The following ZFHX3 variants were observed in gnomAD, a reference collection of about 807,000 sequenced individuals.
ZFHX3 encodes zinc finger homeobox 3, also known as zinc finger homeobox protein 3.
In ZFHX3, 42 loss-of-function variants were observed where a neutral mutation model predicts 279.1. That is an observed-to-expected ratio of 0.15 (90% CI 0.12 to 0.19). ZFHX3 has a LOEUF of 0.19. ZFHX3 is among the 10% of genes least tolerant of loss of function. ZFHX3 has a pLI of 1.00. For synonymous variants in ZFHX3, 2,293 were observed against 1,957.8 expected, an observed-to-expected ratio of 1.17 and a Z score of -4.52; for missense variants, 4,981 against 4,754.0, an observed-to-expected ratio of 1.05 and a Z score of -1.40.
At chr16:72,945,670 C>CA (rs1013603971) in intron 3 of ZFHX3, among the ~76,000 whole-genome samples, 10 of 151,712 alleles carry the variant, frequency 6.6e-5, no homozygotes, top group African/African-American at 2.4e-4. Flanking sequence ...TTAAAACAAA[C>CA]AAAAAAAATA....
At chr16:73,304,811 C>G (rs2015142702) in intron 4 of ZFHX3, among the ~76,000 whole-genome samples, 1 of 152,184 alleles carries the variant, frequency 6.6e-6, no homozygotes, top group South Asian at 2.1e-4. Context: ...ATAAATCTGC[C>G]TCACCTGATG....
chr16:72,958,526 G>T lies in ZFHX3; in HGVS notation c.1620C>A (p.Leu540=). The T allele has an allele frequency of 6.2e-7, 1 of 1,614,074 alleles. No homozygotes were observed. The highest frequency in any genetic ancestry group is 8.5e-7 in the Non-Finnish European group (1 of 1,180,046). The change falls in exon 2 of 10, where the codon CTC becomes CTA. Residue 540 remains leucine (L), a synonymous_variant. Transcript: ENST00000268489. ...AAGCTGTGCCCCTCGACAGGGTCTG[G>T]AGCACGTTAGGCATTAAGGGGGAGT... is the stretch of plus-strand genomic sequence containing the variant. The part of the protein sequence containing the change: ...ISNSPLMPNV[L]QTLSRGTAST...
chr16:73,376,567 T>C (rs2016726651), intron 3 of ZFHX3, among the ~76,000 whole-genome samples: 1 of 152,222 alleles, frequency 6.6e-6, no homozygotes, highest in Admixed American at 6.5e-5. Flanking sequence ...ATGTTTGTTG[T>C]GTGAGCAGCC....
chr16:73,604,311 T>C (rs2052155422), intron 2 of ZFHX3, among the ~76,000 whole-genome samples: 1 of 152,108 alleles, frequency 6.6e-6, no homozygotes, highest in Non-Finnish European at 1.5e-5. Context: ...AATCAGTAAT[T>C]ACCAAATAAA....
chr16:73,609,825 G>T (rs1055483667), intron 2 of ZFHX3: 3 of 152,174 alleles, frequency 2.0e-5, no homozygotes, highest in African/African-American at 7.2e-5. Flanking sequence ...CTAGCACATG[G>T]CATAGAAAGA....
intron 8 of ZFHX3, among the ~76,000 whole-genome samples, chr16:73,075,900 G>A (rs1427752464): frequency 1.3e-5 from 2 of 152,108 alleles, no homozygotes; most frequent in African/African-American, 4.8e-5. Flanking sequence ...AAAGTGCTGG[G>A]ATTATAGGTG....
At chr16:73,817,902 C>A (rs184088636) in intron 1 of ZFHX3, among the ~76,000 whole-genome samples, 2 of 152,196 alleles carry the variant, frequency 1.3e-5, no homozygotes, top group East Asian at 1.9e-4. Context: ...CCGAACCCCC[C>A]TCAAAGTGCC....
At position 73,529,465 on chromosome 16, in the gene ZFHX3, C is replaced by A. The variant is rs373264373; in HGVS notation, c.-1546-73207G>T. 8.5e-5 allele frequency among the ~76,000 whole-genome samples: 13 copies of A among 152,190 alleles called. No individual in the cohort carries two copies. The East Asian group carries it at 2.3e-3, about 27-fold the overall frequency. On this transcript the variant is annotated intron_variant, in intron 2 of 17. Coordinates refer to the ZFHX3 transcript ENST00000641206. ...GAGAGAAACTTAGCATGGCACCCAC[C>A]CAGGCAGGGAGGTTACTGGCAGGTC... is the stretch of plus-strand genomic sequence containing the variant.
At chr16:73,407,937 C>T (rs551671880) in intron 3 of ZFHX3, among the ~76,000 whole-genome samples, 32 of 152,084 alleles carry the variant, frequency 2.1e-4, no homozygotes, top group African/African-American at 7.5e-4. Flanking sequence ...TTCCTACAGG[C>T]TGGGGAAAGC....
At chr16:73,802,268 G>T (rs1960168251) in intron 1 of ZFHX3, among the ~76,000 whole-genome samples, 1 of 152,126 alleles carries the variant, frequency 6.6e-6, no homozygotes, top group African/African-American at 2.4e-5. Context: ...CAGGAAGGAG[G>T]GACCAAGAGG....
At chr16:72,909,216 T>C (rs2039258996) in intron 3 of ZFHX3, among the ~76,000 whole-genome samples, 1 of 152,216 alleles carries the variant, frequency 6.6e-6, no homozygotes. Flanking sequence ...GGCACGTTTC[T>C]AAAATGTAGG....
At chr16:73,227,511 G>C (rs534037867) in intron 5 of ZFHX3, among the ~76,000 whole-genome samples, 1 of 151,966 alleles carries the variant, frequency 6.6e-6, no homozygotes, top group African/African-American at 2.4e-5. Context: ...AATTGATTTG[G>C]TCATAGCTGC....
intron 1 of ZFHX3, among the ~76,000 whole-genome samples, chr16:73,010,202 C>T (rs889325657): frequency 6.6e-6 from 1 of 152,064 alleles, no homozygotes; most frequent in African/African-American, 2.4e-5. Flanking sequence ...TGGGGAGAAG[C>T]CACCCAGCAG....
intron 4 of ZFHX3, among the ~76,000 whole-genome samples, chr16:73,264,754 T>C (rs2013922225): frequency 6.6e-6 from 1 of 152,020 alleles, no homozygotes. Flanking sequence ...TCCCCCTGAG[T>C]CCCCAAAGTC....
At chr16:73,173,142 A>ACGATGTCT (rs1967579619) in intron 5 of ZFHX3, among the ~76,000 whole-genome samples, 3 of 151,166 alleles carry the variant, frequency 2.0e-5, no homozygotes, top group African/African-American at 7.3e-5. Context: ...CTCTGAAGCA[A>ACGATGTCT]CGATGTCTCT....
intron 2 of ZFHX3, among the ~76,000 whole-genome samples, chr16:73,549,547 C>T (rs2020172145): frequency 6.6e-6 from 1 of 152,156 alleles, no homozygotes; most frequent in Admixed American, 6.5e-5. Context: ...AGGGAATCTT[C>T]TCTTTAAAAC....
chr16:73,728,779 T>C (rs2053543657), intron 1 of ZFHX3, among the ~76,000 whole-genome samples: 1 of 150,038 alleles, frequency 6.7e-6, no homozygotes, highest in Non-Finnish European at 1.5e-5. Context: ...TCGTAGCACA[T>C]AATACTTTAC....
At chr16:73,349,344 G>T (rs1172595731) in intron 3 of ZFHX3, among the ~76,000 whole-genome samples, 1 of 152,170 alleles carries the variant, frequency 6.6e-6, no homozygotes, top group Non-Finnish European at 1.5e-5. Context: ...CACCTGATCA[G>T]AAGAATTACC....
intron 5 of ZFHX3, among the ~76,000 whole-genome samples, chr16:73,249,816 C>G (rs1221130852): frequency 7.9e-6 from 1 of 125,894 alleles, no homozygotes; most frequent in African/African-American, 3.2e-5. Flanking sequence ...ATGAATTGAA[C>G]AGGCACTTCA....
Sources: allele counts gnomAD v4.1 joint callset (sites outside exome capture counted in the v4.1 genomes callset), GRCh38; gene constraint gnomAD v4.1.1; transcripts MANE v1.5; gene names NCBI Gene and HGNC (gene_info 2026-07-23, HGNC 2026-07-21).